DOK3: variants seen among roughly 807,000 people sequenced by gnomAD.
DOK3 encodes docking protein 3, also known as Dok-like protein.
A neutral mutation model predicts 26.2 loss-of-function variants in DOK3; 23 were observed. The observed-to-expected ratio is 0.88, with a 90% CI of 0.63 to 1.24. The LOEUF (loss-of-function observed/expected upper bound fraction) is 1.24, where lower values mean the gene tolerates loss of function less well. Ranked by LOEUF, DOK3 falls within the 50% of genes most tolerant of loss-of-function variation. DOK3 has a pLI of 0.00. For synonymous variants in DOK3, 268 were observed against 268.2 expected (o/e 1.00, Z 0.01); for missense variants, 619 against 610.6 (o/e 1.01, Z -0.15).
At chr5:177,504,977 G>T (rs756979613) in intron 4 of DOK3, 34 bp downstream of exon 4, 2 of 1,589,714 alleles carry the variant, frequency 1.3e-6, no homozygotes, top group Non-Finnish European at 8.6e-7. Flanking sequence ...GGGTGTGGGG[G>T]GCTGAGGCTG....
chr5:177,508,010 A>G (rs1760432021), intron 3 of DOK3, among the ~76,000 whole-genome samples: 1 of 152,182 alleles, frequency 6.6e-6, no homozygotes, highest in African/African-American at 2.4e-5. Context: ...CTCCTCTGAG[A>G]GGCCTTCCCT....
In DOK3 at chr5:177,503,616, T is replaced by A; in HGVS notation, c.*367A>T. On this transcript the variant is annotated 3_prime_UTR_variant, in exon 6 of 6. Coordinates refer to ENST00000510898, the MANE Select transcript of DOK3 (RefSeq NM_001308236.3). ...GGCCGTGCAGAGCAACATGGAGTCCTAATGATTTCCATCCCGTCTGTCTGC... is the reference window on the plus strand; with the variant it reads ...GGCCGTGCAGAGCAACATGGAGTCCAAATGATTTCCATCCCGTCTGTCTGC... 7.8e-7 allele frequency: 1 copy of A among 1,287,728 alleles called. No individual in the cohort carries two copies. The highest frequency in any genetic ancestry group is 1.0e-6 in the Non-Finnish European group (1 of 974,348). 79.8% of individuals were successfully genotyped at this position (1,287,728 alleles called of 1,614,324 possible).
At chr5:177,509,381 C>G in intron 2 of DOK3, 94 bp downstream of exon 2, 2 of 1,496,028 alleles carry the variant, frequency 1.3e-6, no homozygotes, top group Non-Finnish European at 1.8e-6. Flanking sequence ...CCAAGTCTCC[C>G]AGGTCTGCCT....
rs1465013367 is a variant in DOK3 at position 177,504,347 on chromosome 5, A to G, written c.959T>C (p.Leu320Pro). The change falls in exon 6 of 6, where the codon CTG (leucine) becomes CCG (proline). Residue 320 changes from leucine (L) to proline (P), a missense_variant. Transcript: ENST00000510898. ...PLLLGPEPND[L>P]ASGLYASVCK... The stretch of plus-strand genomic sequence containing the variant: ...CACTGAAGCGTAGAGCCCGGACGCC[A>G]GATCGTTGGGCTCCGGGCCTAGCAG... 1 of 1,581,988 alleles carries G rather than the reference A, an allele frequency of 6.3e-7. No homozygotes were observed.
rs1759472173 is a variant in DOK3, at chr5:177,502,690, G to C, written c.*1293C>G. Reference sequence around the variant, plus strand: ...AGGGAACAGGGTCTCTTGTGGCAGGGAGTGCCTGCCTTGCACTGTTAAGAA... The same window carrying C: ...AGGGAACAGGGTCTCTTGTGGCAGGCAGTGCCTGCCTTGCACTGTTAAGAA... On this transcript the variant is annotated 3_prime_UTR_variant, in exon 6 of 6. Coordinates refer to ENST00000510898, the MANE Select transcript of DOK3 (RefSeq NM_001308236.3). 1 of 218,606 alleles carries C rather than the reference G, an allele frequency of 4.6e-6. No homozygotes were observed. Among genetic ancestry groups the C allele is most frequent in the Non-Finnish European group, 9.1e-6 (1 of 110,406 alleles). 13.5% of individuals were successfully genotyped at this position (218,606 alleles called of 1,614,324 possible).
rs185828266 is a variant in DOK3 at position 177,506,634 on chromosome 5, C to T, written c.373-1524G>A. On this transcript the variant is annotated intron_variant, in intron 3 of 5. Transcript: ENST00000510898. ...GATTACAGGTGTGAACCACTACGCC[C>T]GGCCCATTTTACATCTTAAAGTGTA... Among the ~76,000 whole-genome samples, 4 of 151,204 alleles carry T rather than the reference C, an allele frequency of 2.6e-5. No individual in the cohort carries two copies. The East Asian group carries it at 7.8e-4, about 29-fold the overall frequency.
rs373998463 is a variant in DOK3 at position 177,504,026 on chromosome 5, C to T, written c.1280G>A (p.Ser427Asn). The T allele has an allele frequency of 6.5e-5, 103 of 1,582,242 alleles. No homozygotes were observed. The highest frequency in any genetic ancestry group is 8.3e-5 in the Non-Finnish European group (97 of 1,164,382). The change falls in exon 6 of 6, where the codon AGT (serine) becomes AAT (asparagine). Residue 427 changes from serine to asparagine, a missense_variant. Ser to Asn is a conservative substitution (Grantham distance 46). Coordinates refer to ENST00000510898, the MANE Select transcript of DOK3 (RefSeq NM_001308236.3). ...GFKAKLVTLLSRERRKGPAPC... is the reference protein window; with the variant it reads ...GFKAKLVTLLNRERRKGPAPC... ...GGCTGGGCCCTTCCTCCGCTCACGACTCAGCAGGGTCACCAGCTTGGCCTT... is the reference window on the plus strand; with the variant it reads ...GGCTGGGCCCTTCCTCCGCTCACGATTCAGCAGGGTCACCAGCTTGGCCTT...
rs1207052803 is a variant in DOK3, at chr5:177,504,517, C to T, written c.789G>A (p.Arg263=). 3 of 1,590,488 alleles carry T rather than the reference C, an allele frequency of 1.9e-6. No homozygotes were observed. Among genetic ancestry groups the T allele is most frequent in the East Asian group, 4.5e-5 (2 of 44,318 alleles). Residue 263 remains arginine (R), a synonymous_variant, in exon 6 of 6, where the codon AGG becomes AGA. Coordinates refer to ENST00000510898, the MANE Select transcript of DOK3 (RefSeq NM_001308236.3). ...CCCGTGGCAGGGGGCAGGGCTGGGGCCTGGTCAGCTCTGGCAGCCGCTCCC... is the reference window on the plus strand; with the variant it reads ...CCCGTGGCAGGGGGCAGGGCTGGGGTCTGGTCAGCTCTGGCAGCCGCTCCC... The part of the protein sequence containing the change: ...RQRERLPELT[R]PQPCPLPRAT...
At position 177,503,729 on chromosome 5, in the gene DOK3, A is replaced by G. The variant is rs937768579; in HGVS notation, c.*254T>C. 66 of 1,403,866 alleles carry G rather than the reference A, an allele frequency of 4.7e-5. No homozygotes were observed. Among genetic ancestry groups the G allele is most frequent in the Non-Finnish European group, 6.0e-5 (65 of 1,083,600 alleles). 87.0% of individuals were successfully genotyped at this position (1,403,866 alleles called of 1,614,324 possible). A position where few individuals can be genotyped will look rare whatever the true frequency, so the allele number is the denominator to read the frequency against. ...GCACAGGGTGCTTGTGTTGGCCGCAATGAACGTGGGCAGGGGCGTGTGCCG... is the reference window on the plus strand; with the variant it reads ...GCACAGGGTGCTTGTGTTGGCCGCAGTGAACGTGGGCAGGGGCGTGTGCCG... On this transcript the variant is annotated 3_prime_UTR_variant, in exon 6 of 6. Coordinates refer to ENST00000510898, the MANE Select transcript of DOK3 (RefSeq NM_001308236.3).
upstream of DOK3, chr5:177,510,333 A>G: frequency 1.1e-5 from 2 of 181,840 alleles, no homozygotes; most frequent in Non-Finnish European, 1.2e-5. Flanking sequence ...GCTGTCCGAG[A>G]GCTCAAAGGC....
intron 3 of DOK3, among the ~76,000 whole-genome samples, chr5:177,505,732 C>A (rs539856533): frequency 1.3e-5 from 2 of 152,058 alleles, no homozygotes; most frequent in Admixed American, 1.3e-4. Context: ...ATTTCCGCCT[C>A]CCGGGTTTGT....
chr5:177,505,984 T>G (rs568188076), intron 3 of DOK3, among the ~76,000 whole-genome samples: 1 of 151,556 alleles, frequency 6.6e-6, no homozygotes, highest in Non-Finnish European at 1.5e-5. Context: ...ATGATCCGCC[T>G]GTCTCGGCCT....
chr5:177,509,835 T>G, upstream of DOK3: 1 of 1,611,202 alleles, frequency 6.2e-7, no homozygotes, highest in Non-Finnish European at 8.5e-7. Flanking sequence ...CTGATCGCAG[T>G]CTGGCTCCCC....
chr5:177,505,114 G>A lies in DOK3; in HGVS notation c.373-4C>T, dbSNP rs762980118. The A allele has an allele frequency of 1.9e-5, 31 of 1,601,850 alleles. No individual in the cohort carries two copies. Among genetic ancestry groups the A allele is most frequent in the Non-Finnish European group, 2.6e-5 (31 of 1,174,858 alleles). On this transcript the variant is annotated splice_region_variant and splice_polypyrimidine_tract_variant and intron_variant, in intron 3 of 5. Transcript: ENST00000510898. ...CTGAGGAGGCCTCCCCTGTCCCCTGGGGAATGAGTTCAAGTCAAAGGTGAG... is the reference window on the plus strand; with the variant it reads ...CTGAGGAGGCCTCCCCTGTCCCCTGAGGAATGAGTTCAAGTCAAAGGTGAG...
Position 177,504,473 on chromosome 5 carries a change from A to G in DOK3, c.833T>C (p.Leu278Pro). The G allele has an allele frequency of 6.3e-7, 1 of 1,583,354 alleles. No homozygotes were observed. Among genetic ancestry groups the G allele is most frequent in the South Asian group, 1.1e-5 (1 of 87,144 alleles). Residue 278 changes from leucine to proline, a missense_variant, in exon 6 of 6, where the codon CTG becomes CCG. Leu to Pro is a moderately conservative substitution (Grantham distance 98). Transcript: ENST00000510898. The part of the protein sequence containing the change: ...PLPRATSLPS[L>P]DTPGELREMP... ...CTCCCGAAGCTCTCCGGGGGTGTCC[A>G]GGGAGGGCAGAGAGGTGGCCCGTGG...
At chr5:177,508,666 A>G (rs1021564901) in intron 2 of DOK3, 124 bp from the exon 3 acceptor site, 4 of 1,131,420 alleles carry the variant, frequency 3.5e-6, no homozygotes, top group Non-Finnish European at 4.8e-6. Context: ...CCAGTTTCTC[A>G]GGGAGCCAGG....
chr5:177,503,714 C>T lies in DOK3; in HGVS notation c.*269G>A. The T allele has an allele frequency of 1.4e-6, 2 of 1,405,780 alleles. No homozygotes were observed. Among genetic ancestry groups the T allele is most frequent in the Non-Finnish European group, 1.8e-6 (2 of 1,084,664 alleles). The allele number at this position is 1,405,780 out of a possible 1,614,324, so 87.1% of individuals were successfully genotyped here. On this transcript the variant is annotated 3_prime_UTR_variant, in exon 6 of 6. Transcript: ENST00000510898. ...GTGCCCCTGGAACCGGCACAGGGTG[C>T]TTGTGTTGGCCGCAATGAACGTGGG...
rs1251440132 is a variant in DOK3 at position 177,509,789 on chromosome 5, C to T, written c.-149G>A. 6 of 1,612,102 alleles carry T rather than the reference C, an allele frequency of 3.7e-6. No individual in the cohort carries two copies. Among genetic ancestry groups the T allele is most frequent in the African/African-American group, 1.3e-5 (1 of 75,000 alleles). ...GGAGCCCCCGGCCACCTGAAGGCAGCCTTCTCACGCACCTGGTTCAGCTGG... is the reference window on the plus strand; with the variant it reads ...GGAGCCCCCGGCCACCTGAAGGCAGTCTTCTCACGCACCTGGTTCAGCTGG... On this transcript the variant is annotated 5_prime_UTR_variant, in exon 1 of 6. Transcript: ENST00000510898.
chr5:177,504,554 A>G lies in DOK3; in HGVS notation c.752T>C (p.Ile251Thr). The change falls in exon 6 of 6, where the codon ATC (isoleucine) becomes ACC (threonine). Residue 251 changes from isoleucine (I) to threonine (T), a missense_variant. Transcript: ENST00000510898. ...PDLCRAVAGAIARQRERLPEL... is the reference protein window; with the variant it reads ...PDLCRAVAGATARQRERLPEL... ...TGGCAGCCGCTCCCGCTGGCGGGCGATGGCCCCGGCCACAGCCCTGCACAG... is the reference window on the plus strand; with the variant it reads ...TGGCAGCCGCTCCCGCTGGCGGGCGGTGGCCCCGGCCACAGCCCTGCACAG... 6.3e-7 allele frequency: 1 copy of G among 1,594,650 alleles called. No individual in the cohort carries two copies. Among genetic ancestry groups the G allele is most frequent in the South Asian group, 1.1e-5 (1 of 89,846 alleles).
Sources: allele counts gnomAD v4.1 joint callset (sites outside exome capture counted in the v4.1 genomes callset), GRCh38; gene constraint gnomAD v4.1.1; transcripts MANE v1.5; gene names NCBI Gene and HGNC (gene_info 2026-07-23, HGNC 2026-07-21).